Variants in PTPRN2 observed in about 807,000 individuals in gnomAD.
The protein encoded by PTPRN2 is receptor-type tyrosine-protein phosphatase N2.
PTPRN2 carries 74 observed loss-of-function variants against 118.8 expected under a neutral mutation model. The ratio of observed to expected loss-of-function variants is 0.62; its 90% CI spans 0.52 to 0.76. PTPRN2 has a LOEUF of 0.76. PTPRN2 is among the 30% of genes least tolerant of loss of function. PTPRN2 has a pLI of 0.00. For missense variants in PTPRN2, 1,481 were observed against 1,394.4 expected (o/e 1.06, Z -0.99); for synonymous variants, 641 against 608.0 (o/e 1.05, Z -0.80).
intron 11 of PTPRN2, among the ~76,000 whole-genome samples, chr7:158,023,423 T>A (rs1807048242): frequency 6.6e-6 from 1 of 152,148 alleles, no homozygotes; most frequent in East Asian, 1.9e-4. Context: ...TGTGGCTGTG[T>A]GTATTTTTCT....
intron 1 of PTPRN2, among the ~76,000 whole-genome samples, chr7:158,515,076 A>T (rs1823435127): frequency 6.6e-6 from 1 of 152,256 alleles, no homozygotes. Context: ...AACAGCAGGC[A>T]GAACAAGGTT....
intron 2 of PTPRN2, among the ~76,000 whole-genome samples, chr7:158,331,560 A>G (rs1804452761): frequency 7.0e-6 from 1 of 143,284 alleles, no homozygotes; most frequent in African/African-American, 2.8e-5. Flanking sequence ...ACACCCGCAG[A>G]CGTCACTCAC....
intron 2 of PTPRN2, among the ~76,000 whole-genome samples, chr7:158,331,683 A>G (rs1804484735): frequency 6.7e-6 from 1 of 149,804 alleles, no homozygotes; most frequent in South Asian, 2.1e-4. Flanking sequence ...TCACCATAAG[A>G]GGTGACACTT....
intron 16 of PTPRN2, among the ~76,000 whole-genome samples, chr7:157,597,101 A>G (rs1801388437): frequency 6.6e-6 from 1 of 152,192 alleles, no homozygotes; most frequent in African/African-American, 2.4e-5. Flanking sequence ...CCTTATAATT[A>G]TGTTCACCAT....
chr7:158,352,033 T>A (rs71547533), intron 2 of PTPRN2, among the ~76,000 whole-genome samples: 28 of 57,006 alleles, frequency 4.9e-4, no homozygotes, highest in South Asian at 6.6e-4. Flanking sequence ...TCCCCTCCTG[T>A]CCGCTCCCCT....
At chr7:158,288,956 G>C (rs775331686) in intron 3 of PTPRN2, among the ~76,000 whole-genome samples, 5 of 152,128 alleles carry the variant, frequency 3.3e-5, no homozygotes, top group Middle Eastern at 3.4e-3. Context: ...AGTATTCTTG[G>C]TTGGCCATTT....
intron 10 of PTPRN2, among the ~76,000 whole-genome samples, chr7:158,091,879 T>TG (rs1213004393): frequency 9.2e-4 from 4 of 4,326 alleles, no homozygotes; most frequent in Admixed American, 3.5e-3. Context: ...GGTGGGTGGG[T>TG]GAGTGAGGGA....
chr7:157,639,172 G>T (rs1189265211), intron 14 of PTPRN2, among the ~76,000 whole-genome samples: 1 of 152,012 alleles, frequency 6.6e-6, no homozygotes, highest in Non-Finnish European at 1.5e-5. Context: ...GAGTAGCTGG[G>T]ATTATAGGCA....
intron 7 of PTPRN2, among the ~76,000 whole-genome samples, chr7:158,136,997 C>A (rs1201327678): frequency 1.6e-5 from 1 of 64,218 alleles, no homozygotes; most frequent in African/African-American, 7.4e-5. Flanking sequence ...AAAAAAAAAC[C>A]CCATCGTACC....
intron 11 of PTPRN2, among the ~76,000 whole-genome samples, chr7:157,982,177 T>C (rs538205697): frequency 3.2e-5 from 4 of 126,254 alleles, no homozygotes; most frequent in African/African-American, 8.8e-5. Flanking sequence ...AGGAGGGGAA[T>C]GCAGAGTGCA....
chr7:158,056,502 A>G (rs1809804541), intron 11 of PTPRN2, among the ~76,000 whole-genome samples: 1 of 152,310 alleles, frequency 6.6e-6, no homozygotes, highest in South Asian at 2.1e-4. Context: ...ATACTTCCAC[A>G]TGTGCCTGGG....
chr7:157,903,526 T>C lies in PTPRN2; in HGVS notation c.1724-4789A>G, dbSNP rs1480043195. The stretch of plus-strand genomic sequence containing the variant: ...TGAACAGATGTGCCACCGACAACCC[T>C]CCCACATGCCCCACGGTGCTGCCTC... On this transcript the variant is annotated intron_variant, in intron 11 of 22. Coordinates refer to ENST00000389418, the MANE Select transcript of PTPRN2 (RefSeq NM_002847.5). This position sits in a 1 kb window ranked among gnomAD's most constrained non-coding sequence, Gnocchi z 4.2. 6.6e-6 allele frequency among the ~76,000 whole-genome samples: 1 copy of C among 152,010 alleles called. No individual in the cohort carries two copies. The highest frequency in any genetic ancestry group is 1.5e-5 in the Non-Finnish European group (1 of 67,992).
intron 6 of PTPRN2, among the ~76,000 whole-genome samples, chr7:158,147,008 C>T (rs1366182687): frequency 1.6e-4 from 3 of 18,198 alleles, no homozygotes; most frequent in East Asian, 1.6e-3. Context: ...CCCCATCTCA[C>T]GCCACGTGTC....
At chr7:158,500,414 G>A (rs2129446300) in intron 1 of PTPRN2, among the ~76,000 whole-genome samples, 1 of 152,304 alleles carries the variant, frequency 6.6e-6, no homozygotes, top group South Asian at 2.1e-4. Context: ...AATTGACACA[G>A]AACAAAGAAG....
In PTPRN2 at chr7:158,431,434, CCA is replaced by C. The variant is rs371532049; in HGVS notation, c.163+58299_163+58300del. On this transcript the variant is annotated intron_variant, in intron 2 of 22. Coordinates refer to ENST00000389418, the MANE Select transcript of PTPRN2 (RefSeq NM_002847.5). ...CTCACACTGGGCACACTGGCTCACA[CCA>C]GGCACACACTGCCTCACACGACACA... Among the ~76,000 whole-genome samples, 24 of 127,404 alleles carry C rather than the reference CCA, an allele frequency of 1.9e-4. No homozygotes were observed. The East Asian group carries it at 2.4e-3, about 13-fold the overall frequency. The allele number at this position is 127,404 out of a possible 152,430, so 83.6% of individuals were successfully genotyped here. A position where few individuals can be genotyped will look rare whatever the true frequency, so the allele number is the denominator to read the frequency against.
chr7:158,149,974 A>C (rs1024877571), intron 6 of PTPRN2, among the ~76,000 whole-genome samples: 1 of 152,224 alleles, frequency 6.6e-6, no homozygotes, highest in African/African-American at 2.4e-5. Flanking sequence ...TAAGCAACAC[A>C]ATTCTTTGCT....
chr7:158,034,017 C>T (rs1807900229), intron 11 of PTPRN2, among the ~76,000 whole-genome samples: 1 of 149,918 alleles, frequency 6.7e-6, no homozygotes, highest in East Asian at 2.0e-4. Flanking sequence ...GGCGAGCGTC[C>T]CTGGTCAGCA....
At chr7:157,678,467 T>C (rs1268551065) in intron 13 of PTPRN2, among the ~76,000 whole-genome samples, 1 of 152,230 alleles carries the variant, frequency 6.6e-6, no homozygotes, top group East Asian at 1.9e-4. Flanking sequence ...AGGCGTGACC[T>C]GTGCTCTTTG....
chr7:157,617,821 C>T lies in PTPRN2; in HGVS notation c.2344+3541G>A, dbSNP rs941062633. 2 of 152,308 alleles carry T rather than the reference C, an allele frequency of 1.3e-5. No individual in the cohort carries two copies. Among genetic ancestry groups the T allele is most frequent in the African/African-American group, 2.4e-5 (1 of 41,464 alleles). 9.4% of individuals were successfully genotyped at this position (152,308 alleles called of 1,614,324 possible). A position where few individuals can be genotyped will look rare whatever the true frequency, so the allele number is the denominator to read the frequency against. ...TCCTGTCCCTGAGCCTTCAGCTCTT[C>T]GTTGTCTCTGTCTTGTCTCTCTGCA... On this transcript the variant is annotated intron_variant, in intron 15 of 22. Coordinates refer to ENST00000389418, the MANE Select transcript of PTPRN2 (RefSeq NM_002847.5). The surrounding 1 kb of genome is among the most constrained non-coding windows in gnomAD (Gnocchi z 7.5).
Sources: allele counts gnomAD v4.1 joint callset (sites outside exome capture counted in the v4.1 genomes callset), GRCh38; gene constraint gnomAD v4.1.1; non-coding constraint Gnocchi (gnomAD v3.1); transcripts MANE v1.5; gene names NCBI Gene and HGNC (gene_info 2026-07-23, HGNC 2026-07-21).